FRMPD4: variants seen among roughly 807,000 people sequenced by gnomAD.
FRMPD4 encodes FERM and PDZ domain-containing protein 4.
In FRMPD4, 22 loss-of-function variants were observed where a neutral mutation model predicts 94.1. That is an observed-to-expected ratio of 0.23 (90% CI 0.17 to 0.33). The LOEUF is 0.33. Among genes scored for constraint, FRMPD4 ranks in the 10% least tolerant of loss-of-function variants. The pLI, the probability that FRMPD4 is intolerant of heterozygous loss-of-function variation, is 1.00. For missense variants in FRMPD4, 1,111 were observed against 1,339.9 expected (o/e 0.83, Z 2.67); for synonymous variants, 631 against 548.6 (o/e 1.15, Z -2.10).
chrX:12,644,824 T>C (rs1602254237), intron 4 of FRMPD4, among the ~76,000 whole-genome samples: 1 of 112,106 alleles, frequency 8.9e-6, no homozygotes, highest in African/African-American at 3.2e-5. Flanking sequence ...GAGATCTATA[T>C]GGAAGCCTTT....
intron 1 of FRMPD4, among the ~76,000 whole-genome samples, chrX:12,335,336 C>T (rs745674266): frequency 1.8e-5 from 2 of 110,765 alleles, no homozygotes; most frequent in African/African-American, 6.6e-5. Context: ...CTATGTTGCC[C>T]AGACTGGTCT....
chrX:12,579,220 C>A, intron 2 of FRMPD4, among the ~76,000 whole-genome samples: 1 of 112,238 alleles, frequency 8.9e-6, no homozygotes, highest in Non-Finnish European at 1.9e-5. Context: ...TTCTCAAAAT[C>A]GGTTTTTTCC....
chrX:12,488,166 A>C (rs1388334872), intron 1 of FRMPD4, among the ~76,000 whole-genome samples: 1 of 111,613 alleles, frequency 9.0e-6, no homozygotes, highest in African/African-American at 3.3e-5. Context: ...CAGTAAAGAA[A>C]GGGTCTCCAG....
At chrX:12,468,071 G>A (rs1435746007) in intron 1 of FRMPD4, among the ~76,000 whole-genome samples, 1 of 112,180 alleles carries the variant, frequency 8.9e-6, no homozygotes, top group Non-Finnish European at 1.9e-5. Flanking sequence ...AATAAGTGAA[G>A]AAGTGAATCA....
intron 1 of FRMPD4, among the ~76,000 whole-genome samples, chrX:12,173,124 T>C (rs2056250247): frequency 8.9e-6 from 1 of 112,826 alleles, no homozygotes; most frequent in Admixed American, 9.3e-5. Flanking sequence ...TCTCTATGTC[T>C]TTTTTCTTTG....
intron 3 of FRMPD4, among the ~76,000 whole-genome samples, chrX:11,911,070 G>A (rs1361357405): frequency 1.8e-5 from 2 of 112,255 alleles, no homozygotes; most frequent in African/African-American, 6.5e-5. Context: ...TAAAGGGATA[G>A]ATGGTTAGGC....
intron 1 of FRMPD4, among the ~76,000 whole-genome samples, chrX:12,216,208 C>G (rs1039928422): frequency 9.0e-6 from 1 of 111,447 alleles, no homozygotes; most frequent in Admixed American, 9.5e-5. Flanking sequence ...CATCTGGTAC[C>G]TGGACTGAGA....
intron 1 of FRMPD4, among the ~76,000 whole-genome samples, chrX:12,311,241 G>C (rs1251806503): frequency 8.9e-6 from 1 of 111,756 alleles, no homozygotes; most frequent in Non-Finnish European, 1.9e-5. Flanking sequence ...TGACTTGGCA[G>C]GTTTCTCTCC....
At chrX:12,576,652 A>T (rs1256639574) in intron 2 of FRMPD4, among the ~76,000 whole-genome samples, 1 of 112,705 alleles carries the variant, frequency 8.9e-6, no homozygotes, top group African/African-American at 3.2e-5. Context: ...GATAAAGTGG[A>T]TGTTATTGCT....
intron 4 of FRMPD4, among the ~76,000 whole-genome samples, chrX:12,625,575 A>T (rs942068206): frequency 8.9e-6 from 1 of 111,939 alleles, no homozygotes; most frequent in African/African-American, 3.2e-5. Flanking sequence ...AATATGTGGG[A>T]GCTAAAAAAC....
intron 2 of FRMPD4, among the ~76,000 whole-genome samples, chrX:12,597,190 A>T (rs1364160188): frequency 8.9e-6 from 1 of 112,660 alleles, no homozygotes; most frequent in East Asian, 2.8e-4. Flanking sequence ...ATTGATTACC[A>T]GCCTAACTGT....
At chrX:12,703,154 T>A (rs2041817739) in intron 10 of FRMPD4, among the ~76,000 whole-genome samples, 1 of 112,900 alleles carries the variant, frequency 8.9e-6, no homozygotes, top group Admixed American at 9.4e-5. Context: ...AATGTTCTCA[T>A]TCATAAATTC....
chrX:12,139,279 A>C (rs2055653489), intron 1 of FRMPD4, among the ~76,000 whole-genome samples: 1 of 111,550 alleles, frequency 9.0e-6, no homozygotes, highest in Admixed American at 9.5e-5. Flanking sequence ...TCCCTAAGGA[A>C]AAGCCCCAGC....
At chrX:12,590,823 T>C (rs2058975579) in intron 2 of FRMPD4, among the ~76,000 whole-genome samples, 1 of 111,787 alleles carries the variant, frequency 8.9e-6, no homozygotes, top group African/African-American at 3.3e-5. Flanking sequence ...GTATGTTTCA[T>C]CCACTGGCCT....
In FRMPD4 at chrX:12,694,886, A is replaced by G. The variant is rs959770158; in HGVS notation, c.933+432A>G. On this transcript the variant is annotated intron_variant, in intron 9 of 16. Coordinates refer to ENST00000675598, the MANE Select transcript of FRMPD4 (RefSeq NM_001368397.1). ...AGACATTTTCTTATACAATTATTAT[A>G]CAAGTAACAAAATCAGGAAAGTAAA... Among the ~76,000 whole-genome samples, 7 of 112,615 alleles carry G rather than the reference A, an allele frequency of 6.2e-5. No homozygotes were observed. In the Admixed American group the frequency reaches 6.6e-4, roughly 11 times the overall value.
chrX:12,574,657 C>G (rs2058792040), intron 2 of FRMPD4, among the ~76,000 whole-genome samples: 1 of 110,626 alleles, frequency 9.0e-6, no homozygotes, highest in African/African-American at 3.3e-5. Context: ...GCCACCACGC[C>G]TGAATAATTT....
chrX:12,004,706 T>A (rs1443566372), intron 3 of FRMPD4, among the ~76,000 whole-genome samples: 2 of 107,710 alleles, frequency 1.9e-5, no homozygotes, highest in Non-Finnish European at 3.9e-5. Context: ...TTTTTTTTTT[T>A]CATCCTCAGT....
intron 1 of FRMPD4, among the ~76,000 whole-genome samples, chrX:12,258,922 A>G (rs1458119599): frequency 3.6e-5 from 4 of 111,211 alleles, no homozygotes; most frequent in African/African-American, 1.3e-4. Flanking sequence ...CTTCTATCTA[A>G]GTGTATTTTT....
At chrX:12,598,975 C>A (rs1276283508) in intron 2 of FRMPD4, among the ~76,000 whole-genome samples, 3 of 112,191 alleles carry the variant, frequency 2.7e-5, no homozygotes, top group African/African-American at 9.7e-5. Context: ...TCGTGTTTGA[C>A]TCGTGTCTTA....
Sources: gnomAD v4.1 joint callset for allele counts (sites outside exome capture counted in the v4.1 genomes callset) on GRCh38, gnomAD v4.1.1 for gene constraint, MANE v1.5 for transcripts, NCBI Gene and HGNC (gene_info 2026-07-23, HGNC 2026-07-21) for gene names.